TRPM2: variants seen among roughly 807,000 people sequenced by gnomAD.
TRPM2 encodes estrogen-responsive element-associated gene 1 protein.
In TRPM2, 161 loss-of-function variants were observed where a neutral mutation model predicts 174.0. The ratio of observed to expected loss-of-function variants is 0.93; its 90% CI spans 0.81 to 1.05. The LOEUF (loss-of-function observed/expected upper bound fraction) is 1.05, where lower values mean the gene tolerates loss of function less well. Ranked by LOEUF, TRPM2 falls within the 50% of genes least tolerant of loss-of-function variation. The pLI is 0.00. For missense variants in TRPM2, 2,057 were observed against 2,038.0 expected (o/e 1.01, Z -0.18); for synonymous variants, 954 against 861.3 (o/e 1.11, Z -1.88).
Position 44,377,778 on chromosome 21 carries a change from G to A in TRPM2, c.1014+5G>A, listed in dbSNP as rs2048750311. ...GGCGGCCCGGGCACGTTGCACGTGA[G>A]TATGGCCAGGTGGGAGGGGGCATGT... On this transcript the variant is annotated splice_donor_5th_base_variant and intron_variant, in intron 7 of 31. Transcript: ENST00000397928. 1.9e-6 allele frequency: 3 copies of A among 1,613,958 alleles called. No individual in the cohort carries two copies. Among genetic ancestry groups the A allele is most frequent in the African/African-American group, 1.3e-5 (1 of 74,960 alleles).
rs1455206975 is a variant in TRPM2, at chr21:44,387,329, G to C, written c.1319-3575G>C. Among the ~76,000 whole-genome samples, 3 of 152,308 alleles carry C rather than the reference G, an allele frequency of 2.0e-5. No homozygotes were observed. In the East Asian group the frequency reaches 5.8e-4, roughly 29 times the overall value. Reference sequence around the variant, plus strand: ...AGGGACAGTCTTTTCAACAAATGATGCTGGATAAACTGGATATCCACATGC... The same window carrying C: ...AGGGACAGTCTTTTCAACAAATGATCCTGGATAAACTGGATATCCACATGC... On this transcript the variant is annotated intron_variant, in intron 9 of 31. Transcript: ENST00000397928.
chr21:44,378,023 G>A (rs2048758526), intron 7 of TRPM2, among the ~76,000 whole-genome samples: 1 of 152,230 alleles, frequency 6.6e-6, no homozygotes, highest in Non-Finnish European at 1.5e-5. Context: ...CGGCGTGGAA[G>A]GAAAGGGTGG....
chr21:44,387,365 A>G (rs1236331319), intron 9 of TRPM2, among the ~76,000 whole-genome samples: 1 of 152,246 alleles, frequency 6.6e-6, no homozygotes, highest in Non-Finnish European at 1.5e-5. Context: ...CAAAGAATCA[A>G]GTTAGACCCT....
At chr21:44,369,127 C>T (rs761607896) in intron 4 of TRPM2, 50 bp from the exon 5 acceptor site, 1 of 1,208,808 alleles carries the variant, frequency 8.3e-7, no homozygotes, top group Non-Finnish European at 1.1e-6. Flanking sequence ...TCCTGGGTGT[C>T]AGGTGCCCCT....
In TRPM2 at chr21:44,426,678, G is replaced by GACCC; in HGVS notation, c.3819_3822dup (p.Phe1275ThrfsTer142). On this transcript the variant is annotated frameshift_variant, in exon 26 of 32. Coordinates refer to ENST00000397928, the MANE Select transcript of TRPM2 (RefSeq NM_003307.4). LOFTEE classifies it high-confidence loss of function. Reference sequence around the variant, plus strand: ...GCGACAGACGGAGTTCCTGATCTATGACCCACCCTTTTACACGGCAGAGAG... The same window carrying GACCC: ...GCGACAGACGGAGTTCCTGATCTATGACCCACCCACCCTTTTACACGGCAGAGAG... 1 of 1,614,162 alleles carries GACCC rather than the reference G, an allele frequency of 6.2e-7. No individual in the cohort carries two copies. Among genetic ancestry groups the GACCC allele is most frequent in the Non-Finnish European group, 8.5e-7 (1 of 1,180,022 alleles).
chr21:44,425,635 T>C, intron 24 of TRPM2, 35 bp from the exon 25 acceptor site: 1 of 1,454,626 alleles, frequency 6.9e-7, no homozygotes, highest in Non-Finnish European at 9.1e-7. Context: ...GAGCCCGGGC[T>C]CCGCCTTGCG....
intron 29 of TRPM2, among the ~76,000 whole-genome samples, 161 bp downstream of exon 29, chr21:44,437,328 ACTC>A (rs1480447852): frequency 5.3e-5 from 8 of 151,724 alleles, no homozygotes; most frequent in African/African-American, 1.9e-4. Context: ...TGTAGAAGAC[ACTC>A]CTCCTCCCTT....
At chr21:44,357,574 C>A (rs1347122902) in intron 2 of TRPM2, among the ~76,000 whole-genome samples, 1 of 152,198 alleles carries the variant, frequency 6.6e-6, no homozygotes, top group African/African-American at 2.4e-5. Flanking sequence ...AGCCGAGAAG[C>A]ACGTGGCCAC....
Position 44,406,032 on chromosome 21 carries a change from C to A in TRPM2, c.2785C>A (p.Arg929=). ...TLGPKIIIVK[R]MMKDVFFFLF... ...GGGGCCCAAGATCATCATTGTGAAGCGGATGGTAAGGGGGCGGGGGCACCG... is the reference window on the plus strand; with the variant it reads ...GGGGCCCAAGATCATCATTGTGAAGAGGATGGTAAGGGGGCGGGGGCACCG... The change falls in exon 18 of 32, where the codon CGG becomes AGG. Residue 929 remains arginine (R), a synonymous_variant. Transcript: ENST00000397928. 1 of 1,606,150 alleles carries A rather than the reference C, an allele frequency of 6.2e-7. No individual in the cohort carries two copies. Among genetic ancestry groups the A allele is most frequent in the Non-Finnish European group, 8.5e-7 (1 of 1,179,608 alleles).
At chr21:44,427,253 T>C in intron 27 of TRPM2, 142 bp downstream of exon 27, 2 of 735,970 alleles carry the variant, frequency 2.7e-6, no homozygotes, top group African/African-American at 3.6e-5. Flanking sequence ...GAAGAAAACA[T>C]CAACTCACTG....
chr21:44,373,347 C>T (rs2048596526), intron 5 of TRPM2, among the ~76,000 whole-genome samples: 1 of 152,082 alleles, frequency 6.6e-6, no homozygotes, highest in Non-Finnish European at 1.5e-5. Flanking sequence ...CCACCATGCC[C>T]AGCTAATTTT....
intron 31 of TRPM2, among the ~76,000 whole-genome samples, chr21:44,441,212 C>T (rs1175919656): frequency 6.6e-6 from 1 of 150,466 alleles, no homozygotes; most frequent in Admixed American, 6.6e-5. Flanking sequence ...GGAGCCACCT[C>T]AGGTGGCCAG....
Position 44,391,050 on chromosome 21 carries a change from G to A in TRPM2, c.1440+25G>A, listed in dbSNP as rs1569051144. ...GGTAAGTCTTCCAGAGCACCCCGTG[G>A]AGGGGCCTACTGGGCCCACATGCAT... On this transcript the variant is annotated intron_variant, in intron 10 of 31. Coordinates refer to ENST00000397928, the MANE Select transcript of TRPM2 (RefSeq NM_003307.4). This position sits in a 1 kb window ranked among gnomAD's most constrained non-coding sequence, Gnocchi z 5.0. 6.2e-7 allele frequency: 1 copy of A among 1,613,372 alleles called. No homozygotes were observed. The highest frequency in any genetic ancestry group is 8.5e-7 in the Non-Finnish European group (1 of 1,179,976).
At chr21:44,418,687 C>G in intron 22 of TRPM2, 132 bp downstream of exon 22, 2 of 1,194,816 alleles carry the variant, frequency 1.7e-6, no homozygotes, top group Non-Finnish European at 2.4e-6. Context: ...CGCTGTATCC[C>G]GTGGCCCCTG....
intron 16 of TRPM2, among the ~76,000 whole-genome samples, chr21:44,403,017 G>C (rs2049680563): frequency 6.6e-6 from 1 of 152,182 alleles, no homozygotes; most frequent in Admixed American, 6.5e-5. Context: ...GGAAGATCAG[G>C]TCCAGGACTT....
At chr21:44,436,692 C>T (rs1238655699) in intron 28 of TRPM2, among the ~76,000 whole-genome samples, 1 of 149,376 alleles carries the variant, frequency 6.7e-6, no homozygotes. Context: ...TCCCACGTCA[C>T]CCCCGGGAGG....
Position 44,439,928 on chromosome 21 carries a change from G to T in TRPM2, c.4269+760G>T, listed in dbSNP as rs1212241938. 2.0e-5 allele frequency among the ~76,000 whole-genome samples: 3 copies of T among 151,932 alleles called. No homozygotes were observed. The highest frequency in any genetic ancestry group is 4.1e-4 in the South Asian group (2 of 4,824). ...AGTAGAGACAGGGTTTGGCCATGTT[G>T]CCCAGGCTGGTCATGAACTGGGCTC... is the stretch of plus-strand genomic sequence containing the variant. On this transcript the variant is annotated intron_variant, in intron 30 of 31. Transcript: ENST00000397928. This position sits in a 1 kb window ranked among gnomAD's most constrained non-coding sequence, Gnocchi z 5.1.
intron 19 of TRPM2, among the ~76,000 whole-genome samples, chr21:44,408,654 CTTTTT>C (rs34026339): frequency 9.7e-6 from 1 of 102,740 alleles, no homozygotes; most frequent in Non-Finnish European, 1.9e-5. Context: ...CTCCTTTGCC[CTTTTT>C]TTTTTTTTTT....
At position 44,438,899 on chromosome 21, in the gene TRPM2, G is replaced by A. The variant is rs143265900; in HGVS notation, c.4168-168G>A. ...AGGCCTCACAGATGCTGACGTGGAC[G>A]GCGGGTTCTGGGCAATGTCACTGCA... On this transcript the variant is annotated intron_variant, in intron 29 of 31. Transcript: ENST00000397928. The surrounding 1 kb of genome is among the most constrained non-coding windows in gnomAD (Gnocchi z 5.9). 3.5e-5 allele frequency: 20 copies of A among 564,698 alleles called. No homozygotes were observed. The highest frequency in any genetic ancestry group is 8.9e-5 in the Admixed American group (3 of 33,644). The allele number at this position is 564,698 out of a possible 1,614,324, so 35.0% of individuals were successfully genotyped here. A position where few individuals can be genotyped will look rare whatever the true frequency, so the allele number is the denominator to read the frequency against.
Sources: gnomAD v4.1 joint callset for allele counts (sites outside exome capture counted in the v4.1 genomes callset) on GRCh38, gnomAD v4.1.1 for gene constraint, Gnocchi (gnomAD v3.1) non-coding constraint, MANE v1.5 for transcripts, NCBI Gene and HGNC (gene_info 2026-07-23, HGNC 2026-07-21) for gene names.